The following PVR variants were observed in gnomAD, a reference collection of about 807,000 sequenced individuals.
PVR encodes poliovirus receptor.
Under a neutral mutation model 43.3 loss-of-function variants are expected in PVR, and 39 were observed. The observed-to-expected ratio is 0.90, with a 90% CI of 0.70 to 1.18. PVR has a LOEUF of 1.18. Among genes scored for constraint, PVR ranks in the 50% most tolerant of loss-of-function variants. The pLI is 0.00. For synonymous variants in PVR, 224 were observed against 233.2 expected (o/e 0.96, Z 0.36); for missense variants, 480 against 549.7 (o/e 0.87, Z 1.27).
At chr19:44,644,224 C>T (rs753485833) in intron 1 of PVR, 49 bp downstream of exon 1, 5 of 1,400,162 alleles carry the variant, frequency 3.6e-6, no homozygotes, top group Non-Finnish European at 4.7e-6. Context: ...CTCCCAGCTC[C>T]GCATCCAGGC....
rs1973148596 is a variant in PVR, at chr19:44,647,245, C to G, written c.102C>G (p.Pro34=). The change falls in exon 2 of 8, where the codon CCC becomes CCG. Residue 34 remains proline, a synonymous_variant. Coordinates refer to ENST00000425690, the MANE Select transcript of PVR (RefSeq NM_006505.5). ...CAGGGGACGTCGTCGTGCAGGCGCCCACCCAGGTGCCCGGCTTCTTGGGCG... is the reference window on the plus strand; with the variant it reads ...CAGGGGACGTCGTCGTGCAGGCGCCGACCCAGGTGCCCGGCTTCTTGGGCG... ...PGTGDVVVQA[P]TQVPGFLGDS... The G allele has an allele frequency of 6.5e-7, 1 of 1,548,906 alleles. No individual in the cohort carries two copies.
At chr19:44,660,142 C>T (rs1973556084) in intron 6 of PVR, among the ~76,000 whole-genome samples, 1 of 152,196 alleles carries the variant, frequency 6.6e-6, no homozygotes, top group South Asian at 2.1e-4. Context: ...CCCAAGATAG[C>T]AGACCTGAGG....
chr19:44,659,548 T>C (rs1973541215), intron 6 of PVR, among the ~76,000 whole-genome samples: 1 of 152,226 alleles, frequency 6.6e-6, no homozygotes, highest in African/African-American at 2.4e-5. Flanking sequence ...AGTGGTGCGA[T>C]CTCGGCTCAC....
In PVR at chr19:44,665,664, G is replaced by C. The variant is rs1425695987; in HGVS notation, c.*3853G>C. The C allele has an allele frequency of 2.6e-5, 4 of 151,730 alleles. No homozygotes were observed. The highest frequency in any genetic ancestry group is 1.0e-4 in the African/African-American group (4 of 39,970). The allele number at this position is 151,730 out of a possible 1,614,324, so 9.4% of individuals were successfully genotyped here. A position where few individuals can be genotyped will look rare whatever the true frequency, so the allele number is the denominator to read the frequency against. ...AAAAAAAAAAAAAAAAAAAAAACTG[G>C]ATTGCCTGGCTCTACTCCGGGCACA... On this transcript the variant is annotated 3_prime_UTR_variant, in exon 8 of 8. Coordinates refer to ENST00000425690, the MANE Select transcript of PVR (RefSeq NM_006505.5).
intron 1 of PVR, among the ~76,000 whole-genome samples, chr19:44,645,004 A>C (rs1366651274): frequency 9.1e-6 from 1 of 109,666 alleles, no homozygotes; most frequent in African/African-American, 3.5e-5. Flanking sequence ...AATATATAAT[A>C]AAAATATATA....
intron 2 of PVR, among the ~76,000 whole-genome samples, chr19:44,649,139 C>T (rs555944680): frequency 5.9e-5 from 9 of 152,244 alleles, no homozygotes; most frequent in Admixed American, 3.9e-4. Context: ...CTGCCCTCTC[C>T]GAGTCATCAC....
intron 2 of PVR, among the ~76,000 whole-genome samples, chr19:44,648,776 A>G (rs897873018): frequency 1.3e-5 from 2 of 152,164 alleles, no homozygotes; most frequent in African/African-American, 4.8e-5. Flanking sequence ...AGCACACAAC[A>G]CCCAACCAAA....
chr19:44,657,736 C>T (rs776091910), intron 4 of PVR, 26 bp from the exon 5 acceptor site: 8 of 1,613,316 alleles, frequency 5.0e-6, no homozygotes, highest in Non-Finnish European at 6.8e-6. Context: ...GCAGAGGCCA[C>T]CTCCTCACCT....
rs62119317 is a variant in PVR, at chr19:44,664,502, C to G, written c.*2691C>G. ...CGCTAGGATTACAGATGTGAGCCAC[C>G]GCGCCCACCCTGAACCTTACTTTTT... On this transcript the variant is annotated 3_prime_UTR_variant, in exon 8 of 8. Coordinates refer to ENST00000425690, the MANE Select transcript of PVR (RefSeq NM_006505.5). The G allele has an allele frequency of 0.048, 7,232 of 152,030 alleles. 220 individuals are homozygous for G. Among genetic ancestry groups the G allele is most frequent in the South Asian group, 0.067 (320 of 4,802 alleles). The allele number at this position is 152,030 out of a possible 1,614,324, so 9.4% of individuals were successfully genotyped here.
At chr19:44,646,948 A>C (rs1348726915) in intron 1 of PVR, among the ~76,000 whole-genome samples, 1 of 152,240 alleles carries the variant, frequency 6.6e-6, no homozygotes, top group South Asian at 2.1e-4. Context: ...GTTGAGATTC[A>C]GGGAAATACG....
chr19:44,652,485 G>A (rs1231224907), intron 3 of PVR, among the ~76,000 whole-genome samples: 2 of 152,178 alleles, frequency 1.3e-5, no homozygotes, highest in Non-Finnish European at 2.9e-5. Flanking sequence ...TCGGGTTCAA[G>A]TGATTCTCCT....
Position 44,654,833 on chromosome 19 carries a change from G to C in PVR, c.842+816G>C, listed in dbSNP as rs374475871. Among the ~76,000 whole-genome samples, 6 of 151,986 alleles carry C rather than the reference G, an allele frequency of 3.9e-5. No individual in the cohort carries two copies. The East Asian group carries it at 1.2e-3, about 29-fold the overall frequency. ...TTCTTCTTCTTCCAATGTGGCCCGG[G>C]GAAGCCAAAAGATTGGACACCCCCA... On this transcript the variant is annotated intron_variant, in intron 4 of 7. Transcript: ENST00000425690.
intron 3 of PVR, among the ~76,000 whole-genome samples, chr19:44,652,119 G>T (rs117052947): frequency 0.014 from 2,057 of 152,314 alleles, 20 homozygotes; most frequent in South Asian, 0.027. Context: ...TTACGCCATT[G>T]CACTCCAGCC....
At chr19:44,650,294 T>A (rs897035042) in intron 3 of PVR, among the ~76,000 whole-genome samples, 189 bp downstream of exon 3, 1 of 152,130 alleles carries the variant, frequency 6.6e-6, no homozygotes, top group Non-Finnish European at 1.5e-5. Context: ...ACTGTCCCTA[T>A]TGTCTACACC....
rs1973608118 is a variant in PVR at position 44,662,166 on chromosome 19, G to C, written c.*355G>C. On this transcript the variant is annotated 3_prime_UTR_variant, in exon 8 of 8. Transcript: ENST00000425690. ...CTCTCCCAGTGGAGCCATATAGGCAGCACCTGATTCTCACAGCAACATGTG... is the reference window on the plus strand; with the variant it reads ...CTCTCCCAGTGGAGCCATATAGGCACCACCTGATTCTCACAGCAACATGTG... The C allele has an allele frequency of 3.8e-6, 1 of 260,216 alleles. No individual in the cohort carries two copies. Among genetic ancestry groups the C allele is most frequent in the South Asian group, 8.4e-5 (1 of 11,848 alleles). The allele number at this position is 260,216 out of a possible 1,614,324, so 16.1% of individuals were successfully genotyped here.
intron 3 of PVR, 171 bp from the exon 4 acceptor site, chr19:44,653,729 A>C (rs1599766804): frequency 1.7e-6 from 1 of 592,906 alleles, no homozygotes; most frequent in East Asian, 2.6e-5. Context: ...AAGGACTCCT[A>C]GGCTTCTGCT....
intron 1 of PVR, 126 bp from the exon 2 acceptor site, chr19:44,647,097 A>ACCCCCC: frequency 2.3e-5 from 1 of 43,478 alleles, no homozygotes. Context: ...CCCACACCCC[A>ACCCCCC]CGGTCCACCG....
chr19:44,651,881 C>T (rs1388223665), intron 3 of PVR, among the ~76,000 whole-genome samples: 3 of 152,228 alleles, frequency 2.0e-5, no homozygotes, highest in Non-Finnish European at 4.4e-5. Flanking sequence ...AGAGGCCAGG[C>T]ACGGTGGCTC....
chr19:44,653,824 A>G (rs1335077565), intron 3 of PVR, 76 bp from the exon 4 acceptor site: 1 of 966,400 alleles, frequency 1.0e-6, no homozygotes, highest in African/African-American at 1.6e-5. Flanking sequence ...CTTTTCCTGC[A>G]GTGTCGTGAA....
Sources: gnomAD v4.1 joint callset for allele counts (sites outside exome capture counted in the v4.1 genomes callset) on GRCh38, gnomAD v4.1.1 for gene constraint, MANE v1.5 for transcripts, NCBI Gene and HGNC (gene_info 2026-07-23, HGNC 2026-07-21) for gene names.